KAZN: variants seen among roughly 807,000 people sequenced by gnomAD.
KAZN encodes kazrin.
KAZN carries 40 observed loss-of-function variants against 87.4 expected under a neutral mutation model. That is an observed-to-expected ratio of 0.46 (90% CI 0.36 to 0.60). The LOEUF (loss-of-function observed/expected upper bound fraction) is 0.60. Ranked by LOEUF, KAZN falls within the 20% of genes least tolerant of loss-of-function variation. The pLI, the probability that KAZN is intolerant of heterozygous loss-of-function variation, is 0.00. For synonymous variants in KAZN, 466 were observed against 458.3 expected, an observed-to-expected ratio of 1.02 and a Z score of -0.22; for missense variants, 898 against 1,073.9, an observed-to-expected ratio of 0.84 and a Z score of 2.29.
intron 1 of KAZN, among the ~76,000 whole-genome samples, chr1:14,132,636 A>G (rs1254493130): frequency 6.6e-6 from 1 of 152,192 alleles, no homozygotes; most frequent in Non-Finnish European, 1.5e-5. Flanking sequence ...CAAAATCAAC[A>G]AGCATTCACT....
At chr1:14,657,695 T>C (rs906690571) in intron 1 of KAZN, among the ~76,000 whole-genome samples, 7 of 152,150 alleles carry the variant, frequency 4.6e-5, no homozygotes, top group African/African-American at 1.4e-4. Context: ...GGACCAGACA[T>C]GAGTTAAGCT....
intron 1 of KAZN, among the ~76,000 whole-genome samples, chr1:14,079,029 G>A (rs989462819): frequency 3.2e-4 from 48 of 152,282 alleles, no homozygotes; most frequent in Admixed American, 2.1e-3. Context: ...TCCATTTTGC[G>A]TTGCTGTAAA....
intron 2 of KAZN, among the ~76,000 whole-genome samples, chr1:14,277,482 G>C (rs1652461663): frequency 6.6e-6 from 1 of 152,020 alleles, no homozygotes; most frequent in African/African-American, 2.4e-5. Flanking sequence ...TGGCCAACAT[G>C]GTGAAACTGC....
intron 2 of KAZN, among the ~76,000 whole-genome samples, chr1:14,491,554 A>G (rs1262547287): frequency 6.6e-6 from 1 of 152,178 alleles, no homozygotes; most frequent in Non-Finnish European, 1.5e-5. Context: ...TACTGATTTT[A>G]ATGAGAATAC....
intron 2 of KAZN, among the ~76,000 whole-genome samples, chr1:14,286,780 G>T (rs1653285435): frequency 1.3e-5 from 2 of 152,084 alleles, no homozygotes; most frequent in Non-Finnish European, 2.9e-5. Context: ...TCTTGGTGGG[G>T]TGCTTAGAAC....
At chr1:14,421,668 A>G (rs1048234421) in intron 2 of KAZN, among the ~76,000 whole-genome samples, 1 of 152,168 alleles carries the variant, frequency 6.6e-6, no homozygotes. Flanking sequence ...TGGGTTAAAT[A>G]CTGTTGAACA....
In KAZN at chr1:14,598,772, C is replaced by T. The variant is rs1676692928; in HGVS notation, c.-226C>T. Reference sequence around the variant, plus strand: ...CCTTCTCCTCCTCTTTTTTCTCCTCCGCCTCCTCCCCCCGCCGCCTCGCCA... The same window carrying T: ...CCTTCTCCTCCTCTTTTTTCTCCTCTGCCTCCTCCCCCCGCCGCCTCGCCA... On this transcript the variant is annotated 5_prime_UTR_variant, in exon 1 of 15. Coordinates refer to ENST00000376030, the MANE Select transcript of KAZN (RefSeq NM_201628.3). This position sits in a 1 kb window ranked among gnomAD's most constrained non-coding sequence, Gnocchi z 4.2. 3.0e-6 allele frequency: 4 copies of T among 1,349,090 alleles called. No individual in the cohort carries two copies. Among genetic ancestry groups the T allele is most frequent in the Middle Eastern group, 2.8e-4 (1 of 3,630 alleles). The allele number at this position is 1,349,090 out of a possible 1,614,324, so 83.6% of individuals were successfully genotyped here. A position where few individuals can be genotyped will look rare whatever the true frequency, so the allele number is the denominator to read the frequency against.
At chr1:14,139,036 T>G (rs1018853647) in intron 1 of KAZN, among the ~76,000 whole-genome samples, 2 of 152,062 alleles carry the variant, frequency 1.3e-5, no homozygotes, top group African/African-American at 4.8e-5. Context: ...CTTCTCTCCT[T>G]TCATTCTTTC....
At chr1:14,722,157 A>T (rs1056296028) in intron 1 of KAZN, among the ~76,000 whole-genome samples, 16 of 121,276 alleles carry the variant, frequency 1.3e-4, no homozygotes, top group African/African-American at 2.4e-4. Context: ...TCTCAAAAAA[A>T]AAAAAGAATA....
At chr1:14,361,900 C>T (rs776781804) in intron 2 of KAZN, among the ~76,000 whole-genome samples, 5 of 152,112 alleles carry the variant, frequency 3.3e-5, no homozygotes, top group African/African-American at 1.2e-4. Flanking sequence ...AAGAGCACCT[C>T]GTAGGGTGAA....
intron 4 of KAZN, among the ~76,000 whole-genome samples, chr1:15,049,360 A>G (rs1018201568): frequency 6.6e-6 from 1 of 152,206 alleles, no homozygotes; most frequent in African/African-American, 2.4e-5. Context: ...TGCTCTCTGT[A>G]AACAAGGGCA....
intron 2 of KAZN, among the ~76,000 whole-genome samples, chr1:14,386,310 T>G (rs530728121): frequency 2.0e-5 from 3 of 147,400 alleles, no homozygotes; most frequent in African/African-American, 7.4e-5. Flanking sequence ...TTAGTCCATT[T>G]ACATTTAAAG....
intron 2 of KAZN, among the ~76,000 whole-genome samples, chr1:14,258,218 C>CTT (rs70997128): frequency 0.14 from 17,594 of 126,322 alleles, 1,779 homozygotes; most frequent in East Asian, 0.36. Flanking sequence ...TTCTTTCTTT[C>CTT]TTTTTTTTTT....
intron 2 of KAZN, among the ~76,000 whole-genome samples, chr1:14,266,682 G>A (rs10803478): frequency 0.42 from 64,410 of 151,942 alleles, 14,658 homozygotes; most frequent in Non-Finnish European, 0.53. Context: ...GTCGTGAATG[G>A]GACACGATTC....
intron 1 of KAZN, among the ~76,000 whole-genome samples, chr1:14,035,742 TG>T (rs970673040): frequency 2.6e-5 from 4 of 152,022 alleles, no homozygotes; most frequent in African/African-American, 9.7e-5. Flanking sequence ...CCCAAAGTGC[TG>T]GGATTACAGG....
At chr1:14,705,448 G>A (rs1289876402) in intron 1 of KAZN, among the ~76,000 whole-genome samples, 1 of 152,146 alleles carries the variant, frequency 6.6e-6, no homozygotes, top group Non-Finnish European at 1.5e-5. Context: ...CAAAGGAAAG[G>A]AAATCAGTAT....
intron 2 of KAZN, among the ~76,000 whole-genome samples, chr1:14,344,310 C>A (rs1480334530): frequency 6.6e-6 from 1 of 151,378 alleles, no homozygotes; most frequent in East Asian, 1.9e-4. Context: ...AAATACACAT[C>A]TGATTTTAAA....
At chr1:14,771,740 T>G (rs868518268) in intron 1 of KAZN, among the ~76,000 whole-genome samples, 3 of 152,122 alleles carry the variant, frequency 2.0e-5, no homozygotes, top group South Asian at 4.2e-4. Flanking sequence ...GCAGGAGAAT[T>G]GCTTGAACCC....
In KAZN at chr1:14,599,118, A is replaced by AGCGGCG. The variant is rs765568561; in HGVS notation, c.130_135dup (p.Gly44_Gly45dup). The AGCGGCG allele has an allele frequency of 2.6e-6, 4 of 1,531,968 alleles. No individual in the cohort carries two copies. The highest frequency in any genetic ancestry group is 2.7e-5 in the East Asian group (1 of 36,864). The allele number at this position is 1,531,968 out of a possible 1,614,324, so 94.9% of individuals were successfully genotyped here. On this transcript the variant is annotated inframe_insertion, in exon 1 of 15. Transcript: ENST00000376030. This position sits in a 1 kb window ranked among gnomAD's most constrained non-coding sequence, Gnocchi z 4.4. Reference sequence around the variant, plus strand: ...CACCAACCGGAGACTGGCGGAACTGAGCGGCGGCGGCGGCCCCGGCCCGGG... The same window carrying AGCGGCG: ...CACCAACCGGAGACTGGCGGAACTGAGCGGCGGCGGCGGCGGCGGCCCCGGCCCGGG...
Sources: allele counts gnomAD v4.1 joint callset (sites outside exome capture counted in the v4.1 genomes callset), GRCh38; gene constraint gnomAD v4.1.1; non-coding constraint Gnocchi (gnomAD v3.1); transcripts MANE v1.5; gene names NCBI Gene and HGNC (gene_info 2026-07-23, HGNC 2026-07-21).